The following RTN1 variants were observed in gnomAD, a reference collection of about 807,000 sequenced individuals.
RTN1 encodes the protein reticulon-1.
RTN1 carries 25 observed loss-of-function variants against 65.5 expected under a neutral mutation model. The observed-to-expected ratio is 0.38, with a 90% CI of 0.28 to 0.53. RTN1 has a LOEUF of 0.53. RTN1 is among the 20% of genes least tolerant of loss of function. The pLI is 0.79. For synonymous variants in RTN1, 471 were observed against 447.6 expected (o/e 1.05, Z -0.66); for missense variants, 983 against 1,025.4 (o/e 0.96, Z 0.57).
At chr14:59,720,686 C>T (rs1473687506) in intron 3 of RTN1, among the ~76,000 whole-genome samples, 1 of 149,846 alleles carries the variant, frequency 6.7e-6, no homozygotes, top group African/African-American at 2.5e-5. Context: ...CGCGCCACTG[C>T]ACTCCAGCCT....
At chr14:59,664,532 T>C (rs1883324275) in intron 3 of RTN1, among the ~76,000 whole-genome samples, 1 of 152,162 alleles carries the variant, frequency 6.6e-6, no homozygotes, top group Non-Finnish European at 1.5e-5. Context: ...TAACATTATT[T>C]TTTATTTAAT....
chr14:59,673,751 C>G (rs1883562008), intron 3 of RTN1, among the ~76,000 whole-genome samples: 1 of 152,152 alleles, frequency 6.6e-6, no homozygotes, highest in Admixed American at 6.5e-5. Context: ...GTCGTGGACT[C>G]TATCGAGAAC....
intron 3 of RTN1, among the ~76,000 whole-genome samples, chr14:59,648,588 C>T (rs1882952275): frequency 6.6e-6 from 1 of 152,176 alleles, no homozygotes; most frequent in Non-Finnish European, 1.5e-5. Context: ...GTTAATCCAC[C>T]ATGATCAAGA....
At chr14:59,671,034 C>T (rs762811280) in intron 3 of RTN1, among the ~76,000 whole-genome samples, 23 of 152,168 alleles carry the variant, frequency 1.5e-4, no homozygotes, top group Non-Finnish European at 2.6e-4. Flanking sequence ...ATCACTCCAT[C>T]CTGTTGGTTT....
At position 59,630,742 on chromosome 14, in the gene RTN1, G is replaced by A. The variant is rs1480261427; in HGVS notation, c.1766-23250C>T. 5.5e-6 allele frequency: 6 copies of A among 1,096,286 alleles called. No individual in the cohort carries two copies. The African/African-American group carries it at 8.3e-5, about 15-fold the overall frequency. 67.9% of individuals were successfully genotyped at this position (1,096,286 alleles called of 1,614,324 possible). ...GAGCCGCCTGCGCGCATGGGGATGC[G>A]GGCGCCGCTCCACGCGACAGCGTTG... On this transcript the variant is annotated intron_variant, in intron 3 of 8. Coordinates refer to ENST00000267484, the MANE Select transcript of RTN1 (RefSeq NM_021136.3).
chr14:59,617,444 A>G (rs1362734077), intron 3 of RTN1, among the ~76,000 whole-genome samples: 1 of 152,254 alleles, frequency 6.6e-6, no homozygotes, highest in African/African-American at 2.4e-5. Flanking sequence ...AGCTTACATG[A>G]AAAATAATTA....
At chr14:59,724,387 T>A (rs1212816487) in intron 3 of RTN1, among the ~76,000 whole-genome samples, 2 of 152,184 alleles carry the variant, frequency 1.3e-5, no homozygotes, top group Non-Finnish European at 2.9e-5. Context: ...CTTCTGAAAC[T>A]CTGTCCAGCA....
At chr14:59,750,125 T>A (rs1488062868) in intron 1 of RTN1, among the ~76,000 whole-genome samples, 5 of 80,584 alleles carry the variant, frequency 6.2e-5, no homozygotes, top group Non-Finnish European at 8.5e-5. Flanking sequence ...TAATATATAT[T>A]ATCTATAATA....
intron 1 of RTN1, among the ~76,000 whole-genome samples, chr14:59,839,078 G>A (rs948444684): frequency 2.6e-5 from 4 of 152,144 alleles, no homozygotes; most frequent in Admixed American, 2.0e-4. Flanking sequence ...ATCTTCCAGA[G>A]TTCTCTCAAG....
chr14:59,729,340 T>C (rs1347413872), intron 2 of RTN1, among the ~76,000 whole-genome samples: 1 of 151,902 alleles, frequency 6.6e-6, no homozygotes, highest in African/African-American at 2.4e-5. Context: ...TTAGAAGACA[T>C]TGGAGGGCTT....
In RTN1 at chr14:59,849,081, T is replaced by C. The variant is rs1276730561; in HGVS notation, c.241+21309A>G. Among the ~76,000 whole-genome samples, 1 of 152,218 alleles carries C rather than the reference T, an allele frequency of 6.6e-6. No homozygotes were observed. The highest frequency in any genetic ancestry group is 1.5e-5 in the Non-Finnish European group (1 of 68,034). On this transcript the variant is annotated intron_variant, in intron 1 of 8. Coordinates refer to ENST00000267484, the MANE Select transcript of RTN1 (RefSeq NM_021136.3). This position sits in a 1 kb window ranked among gnomAD's most constrained non-coding sequence, Gnocchi z 4.5. ...TGCTGGAAGACTCCTTTTCTATATG[T>C]AGTTTATGGCCTTGGTTGGAAACAA...
chr14:59,750,186 C>CTATAATATATATATT (rs1566713277), intron 1 of RTN1, among the ~76,000 whole-genome samples: 5 of 32,330 alleles, frequency 1.5e-4, no homozygotes, highest in African/African-American at 1.1e-3. Context: ...ATATATAATA[C>CTATAATATATATATT]ATATATTATA....
chr14:59,784,881 G>A (rs1048344875), intron 1 of RTN1, among the ~76,000 whole-genome samples: 1 of 152,186 alleles, frequency 6.6e-6, no homozygotes, highest in Non-Finnish European at 1.5e-5. Flanking sequence ...AATAGGAGTG[G>A]AAGCAGGTAA....
At chr14:59,819,250 T>G (rs1348649825) in intron 1 of RTN1, among the ~76,000 whole-genome samples, 1 of 151,938 alleles carries the variant, frequency 6.6e-6, no homozygotes, top group Non-Finnish European at 1.5e-5. Context: ...AGAACTAACC[T>G]TCCACATTAT....
intron 1 of RTN1, among the ~76,000 whole-genome samples, chr14:59,864,520 C>G (rs1887764391): frequency 6.6e-6 from 1 of 151,340 alleles, no homozygotes; most frequent in Non-Finnish European, 1.5e-5. Flanking sequence ...TCTCTGTTGC[C>G]CTTCCTTACT....
At chr14:59,718,057 T>A (rs1036169016) in intron 3 of RTN1, among the ~76,000 whole-genome samples, 1 of 152,168 alleles carries the variant, frequency 6.6e-6, no homozygotes, top group African/African-American at 2.4e-5. Context: ...AGAAACACTA[T>A]CTAGAAAAAC....
At chr14:59,801,305 TAGTC>T (rs1886541680) in intron 1 of RTN1, among the ~76,000 whole-genome samples, 1 of 152,122 alleles carries the variant, frequency 6.6e-6, no homozygotes, top group Non-Finnish European at 1.5e-5. Context: ...AGATACACCA[TAGTC>T]AGTCTGCTGA....
At chr14:59,598,346 AGATTGT>A (rs1881472007) in intron 8 of RTN1, among the ~76,000 whole-genome samples, 1 of 152,208 alleles carries the variant, frequency 6.6e-6, no homozygotes, top group Non-Finnish European at 1.5e-5. Context: ...CCATTTACCA[AGATTGT>A]GATAACTGAA....
At chr14:59,761,653 T>C (rs1885750293) in intron 1 of RTN1, among the ~76,000 whole-genome samples, 1 of 152,156 alleles carries the variant, frequency 6.6e-6, no homozygotes, top group African/African-American at 2.4e-5. Context: ...ATCCACAAGA[T>C]CAAGCTAAAG....
Sources: allele counts gnomAD v4.1 joint callset (sites outside exome capture counted in the v4.1 genomes callset), GRCh38; gene constraint gnomAD v4.1.1; non-coding constraint Gnocchi (gnomAD v3.1); transcripts MANE v1.5; gene names NCBI Gene and HGNC (gene_info 2026-07-23, HGNC 2026-07-21).